Variants in UXS1 observed in about 807,000 individuals in gnomAD.
UXS1 encodes the protein UDP-glucuronic acid decarboxylase 1.
UXS1 carries 33 observed loss-of-function variants against 62.6 expected under a neutral mutation model. The ratio of observed to expected loss-of-function variants is 0.53; its 90% CI spans 0.40 to 0.70. UXS1 has a LOEUF of 0.70. Among genes scored for constraint, UXS1 ranks in the 30% least tolerant of loss-of-function variants. The pLI is 0.00. For missense variants in UXS1, 434 were observed against 556.3 expected (o/e 0.78, Z 2.21); for synonymous variants, 213 against 206.8 (o/e 1.03, Z -0.26).
intron 1 of UXS1, among the ~76,000 whole-genome samples, chr2:106,178,711 C>T (rs1684055328): frequency 6.6e-6 from 1 of 152,074 alleles, no homozygotes; most frequent in South Asian, 2.1e-4. Flanking sequence ...TGGGGCACAC[C>T]CTGCCCCACC....
chr2:106,155,647 T>A (rs1181133800), intron 5 of UXS1, among the ~76,000 whole-genome samples: 1 of 152,242 alleles, frequency 6.6e-6, no homozygotes, highest in Non-Finnish European at 1.5e-5. Flanking sequence ...TGTAGCAGGC[T>A]GTACCATCGA....
chr2:106,126,851 A>G (rs184728684), intron 7 of UXS1, among the ~76,000 whole-genome samples: 169 of 152,302 alleles, frequency 1.1e-3, no homozygotes, highest in Non-Finnish European at 1.6e-3. Flanking sequence ...TAAAAGTGAT[A>G]GAGCATTTCC....
At chr2:106,163,044 T>C (rs185411911) in intron 4 of UXS1, among the ~76,000 whole-genome samples, 5 of 152,320 alleles carry the variant, frequency 3.3e-5, no homozygotes, top group East Asian at 3.9e-4. Context: ...GTTTTCCACA[T>C]ACAGTACGTG....
chr2:106,112,894 C>T lies in UXS1; in HGVS notation c.760-129G>A, dbSNP rs190847207. On this transcript the variant is annotated intron_variant, in intron 9 of 14. Transcript: ENST00000283148. ...GCTTTCCATTCCAAAATGGAAATGG[C>T]TTTTTTGTTCTGATTCCATAATGTG... is the stretch of plus-strand genomic sequence containing the variant. The T allele has an allele frequency of 2.6e-4, 362 of 1,394,434 alleles. 1 individual carries two copies. The highest frequency in any genetic ancestry group is 3.2e-4 in the Non-Finnish European group (335 of 1,052,770). The allele number at this position is 1,394,434 out of a possible 1,614,324, so 86.4% of individuals were successfully genotyped here.
In UXS1 at chr2:106,093,748, T is replaced by C. The variant is rs956241945; in HGVS notation, c.*278A>G. ...AACTGTCAACGACAGTCACAACATA[T>C]GCTCTCACAGCAAGATAAAAAAACT... On this transcript the variant is annotated 3_prime_UTR_variant, in exon 15 of 15. Coordinates refer to ENST00000283148, the MANE Select transcript of UXS1 (RefSeq NM_001253875.2). 1.5e-5 allele frequency: 5 copies of C among 341,502 alleles called. No individual in the cohort carries two copies. Among genetic ancestry groups the C allele is most frequent in the Admixed American group, 1.4e-4 (3 of 20,796 alleles). The allele number at this position is 341,502 out of a possible 1,614,324, so 21.2% of individuals were successfully genotyped here.
intron 5 of UXS1, among the ~76,000 whole-genome samples, chr2:106,147,397 T>C (rs1681662597): frequency 6.6e-6 from 1 of 152,206 alleles, no homozygotes; most frequent in African/African-American, 2.4e-5. Flanking sequence ...ACCCAGTGTA[T>C]TGGTGAACAG....
Position 106,164,868 on chromosome 2 carries a change from T to A in UXS1, c.123-69A>T, listed in dbSNP as rs1683116719. 5.7e-6 allele frequency: 7 copies of A among 1,221,350 alleles called. No individual in the cohort carries two copies. In the African/African-American group the frequency reaches 6.1e-5, roughly 11 times the overall value. 75.7% of individuals were successfully genotyped at this position (1,221,350 alleles called of 1,614,324 possible). On this transcript the variant is annotated intron_variant, in intron 2 of 14. Transcript: ENST00000283148. ...TGTTTCTGAATAAATTACCCTAACA[T>A]AACCCAACGGATGCAGACCACCTCT...
intron 7 of UXS1, among the ~76,000 whole-genome samples, chr2:106,126,741 C>T (rs1455793585): frequency 6.6e-6 from 1 of 152,102 alleles, no homozygotes; most frequent in Non-Finnish European, 1.5e-5. Context: ...TACCCAGATT[C>T]CCCCAATGCT....
In UXS1 at chr2:106,168,132, G is replaced by C. The variant is rs569976339; in HGVS notation, c.95-2049C>G. ...GCTGAGACCACACCATTGCACTCCAGCCTGGGCAACAAGAACAAAACTCCG... is the reference window on the plus strand; with the variant it reads ...GCTGAGACCACACCATTGCACTCCACCCTGGGCAACAAGAACAAAACTCCG... On this transcript the variant is annotated intron_variant, in intron 1 of 14. Transcript: ENST00000283148. Among the ~76,000 whole-genome samples the C allele has an allele frequency of 3.9e-5, 6 of 152,296 alleles. No homozygotes were observed. In the East Asian group the frequency reaches 1.2e-3, roughly 29 times the overall value.
intron 14 of UXS1, among the ~76,000 whole-genome samples, chr2:106,096,350 T>G (rs538587301): frequency 5.9e-5 from 9 of 152,014 alleles, no homozygotes; most frequent in Non-Finnish European, 1.0e-4. Flanking sequence ...TTGTATTAAG[T>G]GTGTTTGTAT....
intron 12 of UXS1, among the ~76,000 whole-genome samples, chr2:106,099,483 G>T (rs7564295): frequency 0.75 from 113,335 of 151,966 alleles, 42,572 homozygotes; most frequent in South Asian, 0.78. Flanking sequence ...GATGGTAAAT[G>T]TGGAGGGAGA....
intron 5 of UXS1, among the ~76,000 whole-genome samples, chr2:106,153,243 A>G (rs1558731076): frequency 6.6e-6 from 1 of 152,236 alleles, no homozygotes; most frequent in Non-Finnish European, 1.5e-5. Flanking sequence ...AAGGGGATAG[A>G]ATTTAACTGG....
At chr2:106,160,412 T>C (rs1682803498) in intron 4 of UXS1, 1 of 152,276 alleles carries the variant, frequency 6.6e-6, no homozygotes, top group African/African-American at 2.4e-5. Flanking sequence ...GAGCCGTCTC[T>C]GACTCATGAC....
At chr2:106,138,520 C>G in intron 6 of UXS1, 1 of 985,444 alleles carries the variant, frequency 1.0e-6, no homozygotes, top group Non-Finnish European at 1.2e-6. Context: ...GCCTGGAAAC[C>G]TTCCATTTAC....
chr2:106,186,651 C>T (rs1558762105), intron 1 of UXS1, among the ~76,000 whole-genome samples: 1 of 151,526 alleles, frequency 6.6e-6, no homozygotes, highest in African/African-American at 2.4e-5. Context: ...TTAAACTAAA[C>T]AAAAAAAAAT....
chr2:106,160,764 T>C (rs539103572), intron 4 of UXS1: 1 of 152,360 alleles, frequency 6.6e-6, no homozygotes, highest in African/African-American at 2.4e-5. Flanking sequence ...ACATACGCAG[T>C]GACGGGCATA....
intron 10 of UXS1, among the ~76,000 whole-genome samples, chr2:106,111,276 G>T (rs1678582973): frequency 6.6e-6 from 1 of 152,142 alleles, no homozygotes; most frequent in Admixed American, 6.5e-5. Context: ...AAGGAGAAGA[G>T]CCATGTGTAG....
intron 7 of UXS1, among the ~76,000 whole-genome samples, chr2:106,127,839 C>T (rs967993086): frequency 6.6e-6 from 1 of 152,212 alleles, no homozygotes; most frequent in Non-Finnish European, 1.5e-5. Flanking sequence ...CCTCCACATT[C>T]AATCTCAGTC....
chr2:106,094,117 A>T lies in UXS1; in HGVS notation c.1187T>A (p.Phe396Tyr). 1.2e-6 allele frequency: 2 copies of T among 1,612,200 alleles called. No individual in the cohort carries two copies. The highest frequency in any genetic ancestry group is 1.7e-6 in the Non-Finnish European group (2 of 1,179,694). Reference protein sequence around the residue: ...EEGLNKAIHYFRKELEYQANN... With the variant: ...EEGLNKAIHYYRKELEYQANN... ...TGCCTGGTACTCGAGTTCTTTACGGAAGTAGTGAATTGCTTTGTTTAAACC... is the reference window on the plus strand; with the variant it reads ...TGCCTGGTACTCGAGTTCTTTACGGTAGTAGTGAATTGCTTTGTTTAAACC... Residue 396 changes from phenylalanine to tyrosine, a missense_variant, in exon 15 of 15, where the codon TTC becomes TAC. Phe to Tyr is a conservative substitution (Grantham distance 22). Coordinates refer to ENST00000283148, the MANE Select transcript of UXS1 (RefSeq NM_001253875.2).
Sources: gnomAD v4.1 joint callset for allele counts (sites outside exome capture counted in the v4.1 genomes callset) on GRCh38, gnomAD v4.1.1 for gene constraint, MANE v1.5 for transcripts, NCBI Gene and HGNC (gene_info 2026-07-23, HGNC 2026-07-21) for gene names.